The following PHF21B variants were observed in gnomAD, a reference collection of about 807,000 sequenced individuals.
The protein encoded by PHF21B is PHD finger protein 21B, also known as PHD finger protein 4.
Under a neutral mutation model 62.2 loss-of-function variants are expected in PHF21B, and 22 were observed. The observed-to-expected ratio is 0.35, with a 90% CI of 0.25 to 0.51. The LOEUF is 0.51. Among genes scored for constraint, PHF21B ranks in the 20% least tolerant of loss-of-function variants. The pLI is 0.97. For missense variants in PHF21B, 701 were observed against 707.9 expected (o/e 0.99, Z 0.11); for synonymous variants, 341 against 314.7 (o/e 1.08, Z -0.88).
intron 5 of PHF21B, among the ~76,000 whole-genome samples, chr22:44,896,312 C>T (rs749892036): frequency 2.0e-5 from 3 of 152,096 alleles, no homozygotes; most frequent in South Asian, 4.1e-4. Flanking sequence ...ACACTGGATA[C>T]GTGTATTCAA....
At chr22:44,932,262 AGAGAG>A (rs2071757201) in intron 2 of PHF21B, among the ~76,000 whole-genome samples, 1 of 152,206 alleles carries the variant, frequency 6.6e-6, no homozygotes, top group Non-Finnish European at 1.5e-5. Context: ...GCCCCACCCC[AGAGAG>A]GAGAGGTGCT....
chr22:44,934,678 C>T (rs1019889659), intron 2 of PHF21B, among the ~76,000 whole-genome samples: 4 of 152,178 alleles, frequency 2.6e-5, no homozygotes, highest in Non-Finnish European at 5.9e-5. Flanking sequence ...GGGCCCATAA[C>T]TGGAGGGTGT....
chr22:44,928,745 T>C (rs1248621534), intron 2 of PHF21B, among the ~76,000 whole-genome samples: 1 of 152,200 alleles, frequency 6.6e-6, no homozygotes, highest in Non-Finnish European at 1.5e-5. Context: ...GACAATTGTC[T>C]ACAGAAGGCG....
intron 7 of PHF21B, among the ~76,000 whole-genome samples, chr22:44,893,224 C>T (rs1486558942): frequency 6.6e-6 from 1 of 152,228 alleles, no homozygotes; most frequent in Non-Finnish European, 1.5e-5. Context: ...CACCAGAGAG[C>T]CTCTATTAGG....
rs550962234 is a variant in PHF21B at position 44,963,796 on chromosome 22, C to G, written c.121-43306G>C. On this transcript the variant is annotated intron_variant, in intron 2 of 12. Transcript: ENST00000313237. ...CCAAAGTTCGGAGAAGCAGGCCCAC[C>G]CCACACCTCTGCTCAAAGCTTCTCT... Among the ~76,000 whole-genome samples, 1,320 of 152,342 alleles carry G rather than the reference C, an allele frequency of 8.7e-3. 16 individuals are homozygous for G. The highest frequency in any genetic ancestry group is 0.03 in the African/African-American group (1,258 of 41,578).
chr22:44,936,870 CTTT>C (rs370585353), intron 2 of PHF21B, among the ~76,000 whole-genome samples: 1 of 128,656 alleles, frequency 7.8e-6, no homozygotes, highest in Non-Finnish European at 1.6e-5. Flanking sequence ...CACTTTCTTT[CTTT>C]TTTTTTTTTT....
rs369865467 is a variant in PHF21B, at chr22:44,920,828, G to A, written c.121-338C>T. On this transcript the variant is annotated intron_variant, in intron 2 of 12. Coordinates refer to ENST00000313237, the MANE Select transcript of PHF21B (RefSeq NM_138415.5). ...TAAGGACAAGGTGTGATGTCGCTAC[G>A]ATCTTCATAAATCACTCCTTTAATG... 5.9e-5 allele frequency among the ~76,000 whole-genome samples: 9 copies of A among 152,212 alleles called. No individual in the cohort carries two copies. In the South Asian group the frequency reaches 1.2e-3, roughly 21 times the overall value.
At chr22:44,905,230 A>G (rs1166353893) in intron 5 of PHF21B, among the ~76,000 whole-genome samples, 1 of 151,846 alleles carries the variant, frequency 6.6e-6, no homozygotes, top group African/African-American at 2.4e-5. Context: ...GCCTGCTCCT[A>G]TTTTTTCTTT....
chr22:44,935,717 G>T (rs1293489714), intron 2 of PHF21B, among the ~76,000 whole-genome samples: 7 of 152,208 alleles, frequency 4.6e-5, no homozygotes, highest in Non-Finnish European at 8.8e-5. Flanking sequence ...GGGCAACAGG[G>T]CCTTCTGCAG....
intron 2 of PHF21B, among the ~76,000 whole-genome samples, chr22:44,944,232 A>G (rs757823259): frequency 5.9e-5 from 9 of 152,202 alleles, no homozygotes; most frequent in African/African-American, 2.2e-4. Context: ...AGGTGCCCTG[A>G]GCAGAAGCTG....
chr22:44,913,079 C>T (rs545365835), intron 5 of PHF21B, among the ~76,000 whole-genome samples: 1 of 152,234 alleles, frequency 6.6e-6, no homozygotes, highest in South Asian at 2.1e-4. Context: ...CCCGCGCCAC[C>T]ATCAGTGCAG....
intron 2 of PHF21B, among the ~76,000 whole-genome samples, chr22:44,962,143 T>C (rs892182988): frequency 2.0e-5 from 3 of 152,208 alleles, no homozygotes; most frequent in African/African-American, 7.2e-5. Flanking sequence ...ATGGGATTGC[T>C]GGGTCGAATG....
In PHF21B at chr22:44,889,864, T is replaced by A. The variant is rs1015403201; in HGVS notation, c.1016-82A>T. The A allele has an allele frequency of 5.0e-6, 7 of 1,392,912 alleles. No homozygotes were observed. In the African/African-American group the frequency reaches 7.6e-5, roughly 15 times the overall value. 86.3% of individuals were successfully genotyped at this position (1,392,912 alleles called of 1,614,324 possible). ...CAGGACTGGAGTCCATGAGGCCTCA[T>A]GTGGCAAGGGCTCTTACCCCAGGGC... On this transcript the variant is annotated intron_variant, in intron 8 of 12. Transcript: ENST00000313237.
chr22:44,888,240 C>T (rs1052010022), intron 9 of PHF21B, 119 bp from the exon 10 acceptor site: 16 of 1,142,408 alleles, frequency 1.4e-5, no homozygotes, highest in East Asian at 3.0e-5. Context: ...CTTCTGCCAA[C>T]GTTTCCCAGC....
At chr22:44,893,031 G>C (rs912624448) in intron 7 of PHF21B, among the ~76,000 whole-genome samples, 3 of 151,554 alleles carry the variant, frequency 2.0e-5, no homozygotes, top group Non-Finnish European at 2.9e-5. Flanking sequence ...TACGGTGCCC[G>C]CCTGCTCCAG....
intron 10 of PHF21B, 102 bp from the exon 11 acceptor site, chr22:44,886,040 A>G: frequency 9.3e-7 from 1 of 1,072,840 alleles, no homozygotes; most frequent in South Asian, 1.4e-5. Flanking sequence ...GCCCTGTCTG[A>G]GCCACAGGGT....
chr22:44,893,637 G>T, intron 6 of PHF21B, 104 bp from the exon 7 acceptor site: 2 of 1,114,630 alleles, frequency 1.8e-6, no homozygotes, highest in Non-Finnish European at 2.6e-6. Context: ...CTGCTCTGAA[G>T]CCTCTCTGTG....
At chr22:44,905,335 T>C (rs1229188962) in intron 5 of PHF21B, among the ~76,000 whole-genome samples, 1 of 152,256 alleles carries the variant, frequency 6.6e-6, no homozygotes, top group Non-Finnish European at 1.5e-5. Flanking sequence ...TCAAATGTCA[T>C]CTCATCGCCA....
At chr22:45,003,662 C>G (rs2073260095) in intron 2 of PHF21B, 1 of 152,252 alleles carries the variant, frequency 6.6e-6, no homozygotes, top group Non-Finnish European at 1.5e-5. Flanking sequence ...TTCTAAGACA[C>G]TGACTCTGGG....
Sources: gnomAD v4.1 joint callset for allele counts (sites outside exome capture counted in the v4.1 genomes callset) on GRCh38, gnomAD v4.1.1 for gene constraint, MANE v1.5 for transcripts, NCBI Gene and HGNC (gene_info 2026-07-23, HGNC 2026-07-21) for gene names.